DNAJB14: variants seen among roughly 807,000 people sequenced by gnomAD.
The protein encoded by DNAJB14 is dnaJ homolog subfamily B member 14.
Under a neutral mutation model 48.4 loss-of-function variants are expected in DNAJB14, and 22 were observed. The ratio of observed to expected loss-of-function variants is 0.45; its 90% CI spans 0.32 to 0.65. The LOEUF (loss-of-function observed/expected upper bound fraction) is 0.65, where lower values mean the gene tolerates loss of function less well. Among genes scored for constraint, DNAJB14 ranks in the 30% least tolerant of loss-of-function variants. The pLI is 0.03. For missense variants in DNAJB14, 319 were observed against 458.8 expected (o/e 0.70, Z 2.78); for synonymous variants, 142 against 158.7 (o/e 0.89, Z 0.79).
intron 5 of DNAJB14, 98 bp downstream of exon 5, chr4:99,906,419 C>G: frequency 1.7e-6 from 2 of 1,210,570 alleles, no homozygotes; most frequent in Non-Finnish European, 2.4e-6. Flanking sequence ...AGAGAAAACT[C>G]ATTATTTCCT....
In DNAJB14 at chr4:99,944,572, C is replaced by CT. The variant is rs529320514; in HGVS notation, c.133+1866dup. On this transcript the variant is annotated intron_variant, in intron 1 of 7. Coordinates refer to ENST00000442697, the MANE Select transcript of DNAJB14 (RefSeq NM_001031723.4). ...TTTTTTACTGTAGCTTTTTTTTGGTCTTTTTTTTTTTGTTTTTTTGAGATG... is the reference window on the plus strand; with the variant it reads ...TTTTTTACTGTAGCTTTTTTTTGGTCTTTTTTTTTTTTGTTTTTTTGAGATG... Among the ~76,000 whole-genome samples, 931 of 140,992 alleles carry CT rather than the reference C, an allele frequency of 6.6e-3. 9 individuals carry two copies. Among genetic ancestry groups the CT allele is most frequent in the South Asian group, 0.016 (70 of 4,350 alleles). 92.5% of individuals were successfully genotyped at this position (140,992 alleles called of 152,430 possible).
chr4:99,938,097 C>CAAAA lies in DNAJB14; in HGVS notation c.134-7480_134-7477dup, dbSNP rs59597113. Reference sequence around the variant, plus strand: ...ACATGGCGAAACCATGTTAAAAATACAAAAAAAAAAAAAAAAAAAAAAAAA... The same window carrying CAAAA: ...ACATGGCGAAACCATGTTAAAAATACAAAAAAAAAAAAAAAAAAAAAAAAAAAAA... On this transcript the variant is annotated intron_variant, in intron 1 of 7. Transcript: ENST00000442697. 2.1e-3 allele frequency among the ~76,000 whole-genome samples: 85 copies of CAAAA among 40,986 alleles called. 1 individual carries two copies. The highest frequency in any genetic ancestry group is 2.5e-3 in the Non-Finnish European group (53 of 20,844). The allele number at this position is 40,986 out of a possible 152,430, so 26.9% of individuals were successfully genotyped here.
At chr4:99,943,793 G>A (rs1168798259) in intron 1 of DNAJB14, among the ~76,000 whole-genome samples, 1 of 152,140 alleles carries the variant, frequency 6.6e-6, no homozygotes, top group East Asian at 1.9e-4. Flanking sequence ...ATATTCAACA[G>A]TAGGGGAGGA....
chr4:99,940,322 G>A (rs944102267), intron 1 of DNAJB14, among the ~76,000 whole-genome samples: 2 of 152,162 alleles, frequency 1.3e-5, no homozygotes, highest in Non-Finnish European at 2.9e-5. Flanking sequence ...GCCAGGCGTG[G>A]TGGCTCATGC....
chr4:99,942,481 C>T (rs1726922152), intron 1 of DNAJB14: 1 of 152,012 alleles, frequency 6.6e-6, no homozygotes, highest in Non-Finnish European at 1.5e-5. Flanking sequence ...CTGAGTTCTG[C>T]TTACTGACAT....
chr4:99,931,857 C>G (rs1726483258), intron 1 of DNAJB14, among the ~76,000 whole-genome samples: 1 of 151,498 alleles, frequency 6.6e-6, no homozygotes, highest in Non-Finnish European at 1.5e-5. Context: ...ATAAAAAAAT[C>G]TAGACAGCTT....
intron 5 of DNAJB14, chr4:99,906,010 T>C: frequency 1.5e-6 from 2 of 1,301,790 alleles, no homozygotes; most frequent in South Asian, 1.4e-5. Flanking sequence ...GCTATCAATA[T>C]GCTGCAGGCT....
chr4:99,928,795 G>A (rs1726351668), intron 2 of DNAJB14: 1 of 156,640 alleles, frequency 6.4e-6, no homozygotes, highest in African/African-American at 2.4e-5. Context: ...CCTTCATTGA[G>A]AATATGTTCT....
chr4:99,913,016 A>T (rs1725719563), intron 3 of DNAJB14, among the ~76,000 whole-genome samples: 1 of 152,138 alleles, frequency 6.6e-6, no homozygotes, highest in African/African-American at 2.4e-5. Context: ...AATGCAATTA[A>T]TTTTTTGTAG....
chr4:99,916,892 T>A (rs1725876399), intron 3 of DNAJB14, among the ~76,000 whole-genome samples: 1 of 152,116 alleles, frequency 6.6e-6, no homozygotes, highest in South Asian at 2.1e-4. Flanking sequence ...CCCAGCACTT[T>A]GGGAGGCTGA....
At chr4:99,934,662 C>G (rs1405608800) in intron 1 of DNAJB14, among the ~76,000 whole-genome samples, 1 of 150,440 alleles carries the variant, frequency 6.6e-6, no homozygotes, top group Non-Finnish European at 1.5e-5. Flanking sequence ...GCGTGATGAC[C>G]AGTGCCTGTA....
At chr4:99,935,226 A>G (rs937814812) in intron 1 of DNAJB14, among the ~76,000 whole-genome samples, 1 of 152,242 alleles carries the variant, frequency 6.6e-6, no homozygotes, top group Non-Finnish European at 1.5e-5. Context: ...TTAAATATCT[A>G]GGCAAAAAGA....
At position 99,946,518 on chromosome 4, in the gene DNAJB14, G is replaced by A; in HGVS notation, c.54C>T (p.Ala18=). The stretch of plus-strand genomic sequence containing the variant: ...CCTTCTCGCGGTTGCCGGCGTTCAG[G>A]GCCTCCCGGGCGATCTCGACACATT... ...AEKCVEIARE[A]LNAGNREKAQ... The change falls in exon 1 of 8, where the codon GCC becomes GCT. Residue 18 remains alanine (A), a synonymous_variant. Coordinates refer to ENST00000442697, the MANE Select transcript of DNAJB14 (RefSeq NM_001031723.4). 6.2e-7 allele frequency: 1 copy of A among 1,613,914 alleles called. No homozygotes were observed. Among genetic ancestry groups the A allele is most frequent in the Non-Finnish European group, 8.5e-7 (1 of 1,179,832 alleles).
intron 2 of DNAJB14, chr4:99,924,881 T>C (rs746672433): frequency 6.8e-5 from 82 of 1,212,656 alleles, no homozygotes; most frequent in Middle Eastern, 2.0e-4. Context: ...ACTGTAGATT[T>C]TGCCTCTAGG....
chr4:99,924,306 ATTT>A (rs11343224), intron 2 of DNAJB14: 152 of 138,476 alleles, frequency 1.1e-3, no homozygotes, highest in African/African-American at 3.7e-3. Flanking sequence ...AAGAGACAAG[ATTT>A]TTTTTTTTTT....
chr4:99,940,707 A>G (rs1257211301), intron 1 of DNAJB14, among the ~76,000 whole-genome samples: 1 of 151,054 alleles, frequency 6.6e-6, no homozygotes, highest in African/African-American at 2.4e-5. Context: ...CTAGTTAGCT[A>G]GCTGTCTAGC....
chr4:99,945,137 A>C (rs1175035961), intron 1 of DNAJB14, among the ~76,000 whole-genome samples: 1 of 152,254 alleles, frequency 6.6e-6, no homozygotes, highest in Non-Finnish European at 1.5e-5. Context: ...TCCTTGCACA[A>C]CAATGTCAAT....
chr4:99,939,321 C>T (rs1726806246), intron 1 of DNAJB14, among the ~76,000 whole-genome samples: 1 of 152,204 alleles, frequency 6.6e-6, no homozygotes, highest in Non-Finnish European at 1.5e-5. Flanking sequence ...AGGATTGTAC[C>T]ATTGCATTCC....
Position 99,897,314 on chromosome 4 carries a change from A to T in DNAJB14, c.*3714T>A, listed in dbSNP as rs1316762743. 1.3e-5 allele frequency: 2 copies of T among 151,650 alleles called. No homozygotes were observed. The highest frequency in any genetic ancestry group is 1.3e-4 in the Admixed American group (2 of 15,240). 9.4% of individuals were successfully genotyped at this position (151,650 alleles called of 1,614,324 possible). A position where few individuals can be genotyped will look rare whatever the true frequency, so the allele number is the denominator to read the frequency against. ...ATTAAATGAAAAATATCACATACCA[A>T]CAGGAAAAAGTTACACATAGGGAAT... On this transcript the variant is annotated 3_prime_UTR_variant, in exon 8 of 8. Transcript: ENST00000442697.
Sources: allele counts gnomAD v4.1 joint callset (sites outside exome capture counted in the v4.1 genomes callset), GRCh38; gene constraint gnomAD v4.1.1; transcripts MANE v1.5; gene names NCBI Gene and HGNC (gene_info 2026-07-23, HGNC 2026-07-21).